Variants in CNTN6 observed in about 807,000 individuals in gnomAD.
The protein encoded by CNTN6 is contactin 6.
Under a neutral mutation model 122.8 loss-of-function variants are expected in CNTN6, and 137 were observed. That is an observed-to-expected ratio of 1.12 (90% CI 0.97 to 1.29). CNTN6 has a LOEUF of 1.29. CNTN6 is among the 50% of genes most tolerant of loss of function. The pLI is 0.00. For synonymous variants in CNTN6, 570 were observed against 426.0 expected (o/e 1.34, Z -4.16); for missense variants, 1,634 against 1,223.4 (o/e 1.34, Z -5.01).
intron 16 of CNTN6, 33 bp downstream of exon 16, chr3:1,374,106 G>A (rs1709519856): frequency 5.7e-6 from 9 of 1,592,586 alleles, no homozygotes; most frequent in Non-Finnish European, 7.7e-6. Context: ...AAGTGTGGAA[G>A]ATTTCGTATG....
intron 1 of CNTN6, among the ~76,000 whole-genome samples, chr3:1,124,811 A>T (rs1454067066): frequency 3.3e-5 from 5 of 151,948 alleles, no homozygotes; most frequent in Non-Finnish European, 7.4e-5. Context: ...GACTTTCCTT[A>T]GACCAAATGA....
chr3:1,102,691 G>C (rs1321442379), intron 1 of CNTN6, among the ~76,000 whole-genome samples: 1 of 150,110 alleles, frequency 6.7e-6, no homozygotes, highest in African/African-American at 2.4e-5. Flanking sequence ...TGGCGCCACC[G>C]CCCTCCAGCC....
intron 4 of CNTN6, among the ~76,000 whole-genome samples, chr3:1,229,165 A>C (rs1453957772): frequency 6.6e-6 from 1 of 152,230 alleles, no homozygotes; most frequent in African/African-American, 2.4e-5. Context: ...AAGGTGGGAA[A>C]GGGCCAGTGG....
intron 4 of CNTN6, among the ~76,000 whole-genome samples, chr3:1,266,765 C>T (rs912241586): frequency 6.6e-6 from 1 of 152,102 alleles, no homozygotes; most frequent in African/African-American, 2.4e-5. Context: ...ATGAGAGTCA[C>T]ACATGTGAAT....
At chr3:1,373,869 T>G (rs1024190058) in intron 15 of CNTN6, 55 bp from the exon 16 acceptor site, 1 of 1,505,076 alleles carries the variant, frequency 6.6e-7, no homozygotes, top group South Asian at 1.4e-5. Context: ...TTTTGTACAA[T>G]TATTTGTTTT....
intron 4 of CNTN6, among the ~76,000 whole-genome samples, chr3:1,254,524 A>C (rs3872625): frequency 6.6e-6 from 1 of 151,770 alleles, no homozygotes. Context: ...AATTTCACTT[A>C]TTTTTATTGA....
intron 2 of CNTN6, among the ~76,000 whole-genome samples, chr3:1,168,096 G>C (rs1434760168): frequency 6.6e-6 from 1 of 151,576 alleles, no homozygotes; most frequent in Non-Finnish European, 1.5e-5. Flanking sequence ...TTAGTAGAGA[G>C]GGAGGTTCCC....
chr3:1,384,808 C>G (rs1254871681), intron 19 of CNTN6, among the ~76,000 whole-genome samples: 1 of 135,958 alleles, frequency 7.4e-6, no homozygotes, highest in Non-Finnish European at 1.6e-5. Flanking sequence ...CACACACACA[C>G]ACACATATAT....
At chr3:1,219,169 A>G (rs531736397) in intron 2 of CNTN6, among the ~76,000 whole-genome samples, 1 of 152,372 alleles carries the variant, frequency 6.6e-6, no homozygotes, top group East Asian at 1.9e-4. Flanking sequence ...CCCTAGCCAC[A>G]AAACACTAAT....
chr3:1,266,795 C>G (rs1296911611), intron 4 of CNTN6, among the ~76,000 whole-genome samples: 1 of 152,078 alleles, frequency 6.6e-6, no homozygotes, highest in East Asian at 1.9e-4. Flanking sequence ...GCTATAAATG[C>G]AGTTGTTCTT....
rs552578767 is a variant in CNTN6 at position 1,204,762 on chromosome 3, C to T, written c.56-15925C>T. Among the ~76,000 whole-genome samples, 11 of 152,124 alleles carry T rather than the reference C, an allele frequency of 7.2e-5. 1 individual carries two copies. The South Asian group carries it at 1.2e-3, about 17-fold the overall frequency. On this transcript the variant is annotated intron_variant, in intron 2 of 22. Transcript: ENST00000446702. ...TTATTGCTGTTGCTCTTGTTTTTCA[C>T]GGTTACTCTCTAACATATATAACTC... is the stretch of plus-strand genomic sequence containing the variant.
At chr3:1,253,823 A>T (rs369769783) in intron 4 of CNTN6, among the ~76,000 whole-genome samples, 1 of 152,268 alleles carries the variant, frequency 6.6e-6, no homozygotes, top group African/African-American at 2.4e-5. Context: ...CTAACTGTCT[A>T]TGGCCCAGCA....
chr3:1,243,863 T>G (rs905252250), intron 4 of CNTN6, among the ~76,000 whole-genome samples: 2 of 151,860 alleles, frequency 1.3e-5, no homozygotes, highest in African/African-American at 4.8e-5. Flanking sequence ...CAGATGGGTC[T>G]GTAGAAAAGG....
rs548770570 is a variant in CNTN6 at position 1,235,182 on chromosome 3, G to A, written c.358+7189G>A. ...TTTTAGTTCATTTGAATAAAATTGT[G>A]CAGGCTAAGAGTTGGGATGGGAGAG... On this transcript the variant is annotated intron_variant, in intron 4 of 22. Transcript: ENST00000446702. 1.0e-3 allele frequency among the ~76,000 whole-genome samples: 157 copies of A among 152,218 alleles called. 2 individuals carry two copies. The highest frequency in any genetic ancestry group is 3.6e-3 in the African/African-American group (149 of 41,540).
chr3:1,399,726 C>T (rs545095514), intron 20 of CNTN6, among the ~76,000 whole-genome samples: 11 of 152,172 alleles, frequency 7.2e-5, no homozygotes, highest in Admixed American at 2.6e-4. Flanking sequence ...CCTTATTGTA[C>T]AGTCATTTAT....
At position 1,329,885 on chromosome 3, in the gene CNTN6, G is replaced by A. The variant is rs1702052906; in HGVS notation, c.1314G>A (p.Arg438=). The part of the protein sequence containing the change: ...VIGCKPNAFP[R]AAISWKRGTE... The stretch of plus-strand genomic sequence containing the variant: ...GATGCAAACCAAATGCTTTTCCCAG[G>A]GCAGCTATCTCTTGGAAAAGAGGAA... The change falls in exon 11 of 23, where the codon AGG becomes AGA. Residue 438 remains arginine (R), a synonymous_variant. Coordinates refer to ENST00000446702, the MANE Select transcript of CNTN6 (RefSeq NM_001289080.2). The A allele has an allele frequency of 1.9e-6, 3 of 1,609,766 alleles. No individual in the cohort carries two copies. The highest frequency in any genetic ancestry group is 2.5e-6 in the Non-Finnish European group (3 of 1,177,548).
chr3:1,224,081 A>G (rs756792199), intron 3 of CNTN6, among the ~76,000 whole-genome samples: 6 of 152,194 alleles, frequency 3.9e-5, no homozygotes, highest in Non-Finnish European at 8.8e-5. Flanking sequence ...TCACCCAGAG[A>G]GACTTAAAAT....
At chr3:1,311,357 GTACATATATGTACATATAAAATGT>G (rs1699237693) in intron 7 of CNTN6, among the ~76,000 whole-genome samples, 3 of 102,242 alleles carry the variant, frequency 2.9e-5, no homozygotes, top group African/African-American at 1.5e-4. Flanking sequence ...GTCTTTATAT[GTACATATATGTACATATAAAATGT>G]CTTTATATGT....
intron 2 of CNTN6, among the ~76,000 whole-genome samples, chr3:1,181,799 G>C (rs964424925): frequency 1.3e-5 from 2 of 152,090 alleles, no homozygotes. Context: ...ATTCTGCTCA[G>C]TCAGGCTGAT....
Sources: gnomAD v4.1 joint callset for allele counts (sites outside exome capture counted in the v4.1 genomes callset) on GRCh38, gnomAD v4.1.1 for gene constraint, MANE v1.5 for transcripts, NCBI Gene and HGNC (gene_info 2026-07-23, HGNC 2026-07-21) for gene names.